PROS1: variants seen among roughly 807,000 people sequenced by gnomAD.
PROS1 encodes the protein vitamin K-dependent protein S.
A neutral mutation model predicts 75.9 loss-of-function variants in PROS1; 29 were observed. That is an observed-to-expected ratio of 0.38 (90% confidence interval 0.28 to 0.52). The LOEUF (loss-of-function observed/expected upper bound fraction) is 0.52, where lower values mean the gene tolerates loss of function less well. Among genes scored for constraint, PROS1 ranks in the 20% least tolerant of loss-of-function variants. The pLI, the probability that PROS1 is intolerant of heterozygous loss-of-function variation, is 0.83. For synonymous variants in PROS1, 245 were observed against 280.6 expected, an observed-to-expected ratio of 0.87 and a Z score of 1.27; for missense variants, 680 against 810.3, an observed-to-expected ratio of 0.84 and a Z score of 1.95.
In PROS1 at chr3:93,896,683, T is replaced by A. The variant is rs908070560; in HGVS notation, c.858A>T (p.Ser286=). The A allele has an allele frequency of 1.9e-6, 3 of 1,606,854 alleles. No homozygotes were observed. The highest frequency in any genetic ancestry group is 3.3e-4 in the Middle Eastern group (2 of 6,050). The change falls in exon 9 of 15, where the codon TCA becomes TCT. Residue 286 remains serine, a synonymous_variant. Coordinates refer to ENST00000394236, the MANE Select transcript of PROS1 (RefSeq NM_000313.4). The part of the protein sequence containing the change: ...AQDQKSCEVV[S]VCLPLNLDTK... The stretch of plus-strand genomic sequence containing the variant: ...TGTCAAGGTTCAAGGGAAGGCACAC[T>A]GAAACAACCTGGAATAAAAGAAACC...
At chr3:93,896,204 C>A (rs1334569365) in intron 9 of PROS1, among the ~76,000 whole-genome samples, 2 of 152,004 alleles carry the variant, frequency 1.3e-5, no homozygotes, top group Non-Finnish European at 2.9e-5. Flanking sequence ...ATTCTAAAAG[C>A]AATACTGAGT....
At chr3:93,956,553 C>CACACACAA (rs1429105146) in intron 1 of PROS1, among the ~76,000 whole-genome samples, 1 of 83,466 alleles carries the variant, frequency 1.2e-5, no homozygotes, top group East Asian at 3.1e-4. Context: ...CACACACACA[C>CACACACAA]ACACACACAA....
chr3:93,969,122 CTTTTTTTTT>C (rs773990991), intron 1 of PROS1, among the ~76,000 whole-genome samples: 2 of 114,336 alleles, frequency 1.7e-5, no homozygotes, highest in African/African-American at 3.2e-5. Flanking sequence ...CTTTTGTTTT[CTTTTTTTTT>C]TTTTTTTTTT....
intron 3 of PROS1, among the ~76,000 whole-genome samples, chr3:93,917,586 G>A (rs901099870): frequency 2.6e-5 from 4 of 152,176 alleles, no homozygotes; most frequent in African/African-American, 9.6e-5. Flanking sequence ...CCCAGAGCTG[G>A]CTCCCTCAGC....
intron 1 of PROS1, among the ~76,000 whole-genome samples, chr3:93,969,718 T>C (rs1709846048): frequency 6.6e-6 from 1 of 152,222 alleles, no homozygotes; most frequent in Admixed American, 6.5e-5. Context: ...CAGCTAGCCA[T>C]TCAGTAGCCT....
At chr3:93,957,052 A>AATAT (rs1294221953) in intron 1 of PROS1, among the ~76,000 whole-genome samples, 5 of 152,178 alleles carry the variant, frequency 3.3e-5, no homozygotes, top group African/African-American at 1.2e-4. Context: ...TGTTCATTAC[A>AATAT]ATATAATTGA....
chr3:93,914,798 A>G (rs752220911), intron 3 of PROS1, among the ~76,000 whole-genome samples: 1 of 152,116 alleles, frequency 6.6e-6, no homozygotes, highest in East Asian at 1.9e-4. Context: ...ACTGTACCCA[A>G]TATGTAGTCT....
chr3:93,943,604 A>AC (rs999451409), intron 1 of PROS1, among the ~76,000 whole-genome samples: 5 of 149,480 alleles, frequency 3.3e-5, no homozygotes, highest in African/African-American at 1.2e-4. Context: ...TCTCCATACC[A>AC]CCCCCCCAAA....
chr3:93,936,505 T>C (rs1422944904), intron 1 of PROS1, among the ~76,000 whole-genome samples: 1 of 152,184 alleles, frequency 6.6e-6, no homozygotes, highest in African/African-American at 2.4e-5. Context: ...GAGTTCTCTA[T>C]AGCTCTGTTG....
At chr3:93,884,166 TAC>T (rs1180435317) in intron 12 of PROS1, among the ~76,000 whole-genome samples, 1 of 152,116 alleles carries the variant, frequency 6.6e-6, no homozygotes, top group Non-Finnish European at 1.5e-5. Context: ...AACCAAAAAT[TAC>T]ATGGTACACA....
intron 1 of PROS1, chr3:93,958,644 A>G (rs961407290): frequency 3.3e-5 from 5 of 152,212 alleles, no homozygotes; most frequent in African/African-American, 1.2e-4. Context: ...CTGGTGGGAG[A>G]AAATTGAATC....
chr3:93,919,160 T>C (rs1186576211), intron 3 of PROS1, among the ~76,000 whole-genome samples: 3 of 152,204 alleles, frequency 2.0e-5, no homozygotes, highest in Non-Finnish European at 2.9e-5. Flanking sequence ...GTCTCCTTAG[T>C]ACCTGCATAA....
chr3:93,904,477 A>G (rs1449633749), intron 6 of PROS1, among the ~76,000 whole-genome samples: 1 of 152,222 alleles, frequency 6.6e-6, no homozygotes, highest in Non-Finnish European at 1.5e-5. Context: ...AAATAATATT[A>G]TAGTACATTT....
chr3:93,875,069 T>C (rs1708162586), intron 14 of PROS1, among the ~76,000 whole-genome samples: 2 of 152,084 alleles, frequency 1.3e-5, no homozygotes, highest in South Asian at 4.1e-4. Context: ...AAAAAAAACC[T>C]TTAAATTTTC....
chr3:93,969,571 G>T (rs1196956599), intron 1 of PROS1, among the ~76,000 whole-genome samples: 1 of 152,184 alleles, frequency 6.6e-6, no homozygotes, highest in African/African-American at 2.4e-5. Context: ...TGTTCACAGA[G>T]ACACATAGGA....
chr3:93,957,056 T>G (rs1709614425), intron 1 of PROS1, among the ~76,000 whole-genome samples: 1 of 151,750 alleles, frequency 6.6e-6, no homozygotes, highest in South Asian at 2.1e-4. Flanking sequence ...CATTACAATA[T>G]AATTGATATA....
intron 1 of PROS1, among the ~76,000 whole-genome samples, chr3:93,948,595 C>A (rs1472561393): frequency 6.6e-6 from 1 of 152,102 alleles, no homozygotes; most frequent in African/African-American, 2.4e-5. Flanking sequence ...CTCAAAAGCA[C>A]AAACTGTTGT....
chr3:93,900,764 A>C, intron 7 of PROS1, 40 bp downstream of exon 7: 1 of 1,611,378 alleles, frequency 6.2e-7, no homozygotes, highest in Non-Finnish European at 8.5e-7. Context: ...GTTCACACCC[A>C]CCCTCTCCAC....
chr3:93,946,327 A>G (rs1709397639), intron 1 of PROS1, among the ~76,000 whole-genome samples: 1 of 152,200 alleles, frequency 6.6e-6, no homozygotes, highest in Non-Finnish European at 1.5e-5. Context: ...TATGGAACCA[A>G]AAAAGAGCCC....
Sources: allele counts gnomAD v4.1 joint callset (sites outside exome capture counted in the v4.1 genomes callset), GRCh38; gene constraint gnomAD v4.1.1; transcripts MANE v1.5; gene names NCBI Gene and HGNC (gene_info 2026-07-23, HGNC 2026-07-21).